The following PCDH10 variants were observed in gnomAD, a reference collection of about 807,000 sequenced individuals.
PCDH10 encodes the protein protocadherin-10.
Under a neutral mutation model 74.4 loss-of-function variants are expected in PCDH10, and 15 were observed. The observed-to-expected ratio is 0.20, with a 90% CI of 0.13 to 0.31. PCDH10 has a LOEUF of 0.31. PCDH10 is among the 10% of genes least tolerant of loss of function. PCDH10 has a pLI of 1.00. For missense variants in PCDH10, 1,260 were observed against 1,390.2 expected (o/e 0.91, Z 1.49); for synonymous variants, 619 against 589.8 (o/e 1.05, Z -0.72).
intron 4 of PCDH10, among the ~76,000 whole-genome samples, chr4:133,189,924 C>T (rs555890045): frequency 3.3e-5 from 5 of 152,104 alleles, no homozygotes; most frequent in African/African-American, 1.2e-4. Flanking sequence ...ATTTCCCATG[C>T]AAAACTAATT....
Position 133,151,867 on chromosome 4 carries a change from C to A in PCDH10, c.1727C>A (p.Ala576Glu), listed in dbSNP as rs757677020. ...DQNDNAPAIV[A>E]PLPGRNGTPA... The stretch of plus-strand genomic sequence containing the variant: ...AATGACAACGCCCCTGCCATCGTGG[C>A]GCCTCTACCAGGGCGCAACGGGACT... The change falls in exon 1 of 5, where the codon GCG (alanine) becomes GAG (glutamate). Residue 576 changes from alanine to glutamate, a missense_variant. This residue lies in a region of PCDH10 where 587 missense variants were observed against 616.9 expected (regional missense o/e 0.95). Transcript: ENST00000264360. 8.1e-6 allele frequency: 13 copies of A among 1,613,086 alleles called. No individual in the cohort carries two copies. In the South Asian group the frequency reaches 1.2e-4, roughly 15 times the overall value.
rs1472715468 is a variant in PCDH10, at chr4:133,191,958, T to TACACACACACACAC, written c.*1799_*1800insCACACACACACACA. The TACACACACACACAC allele has an allele frequency of 5.4e-5, 5 of 93,264 alleles. No homozygotes were observed. Among genetic ancestry groups the TACACACACACACAC allele is most frequent in the African/African-American group, 1.5e-4 (5 of 33,206 alleles). The allele number at this position is 93,264 out of a possible 1,614,324, so 5.8% of individuals were successfully genotyped here. A position where few individuals can be genotyped will look rare whatever the true frequency, so the allele number is the denominator to read the frequency against. ...TCCCTAGATTTAACTTTAAAATACA[T>TACACACACACACAC]ATATATACACACACACACACACACA... On this transcript the variant is annotated 3_prime_UTR_variant, in exon 5 of 5. Transcript: ENST00000264360.
At chr4:133,208,017 T>C (rs979800240) in intron 2 of PCDH10, 5 of 152,200 alleles carry the variant, frequency 3.3e-5, no homozygotes, top group African/African-American at 1.2e-4. Flanking sequence ...AAAATGCTAT[T>C]GTTTCCATTT....
At chr4:133,174,937 TAAAATTGAGCTTGAAAAAA>T (rs1174452675) in intron 4 of PCDH10, among the ~76,000 whole-genome samples, 3 of 151,410 alleles carry the variant, frequency 2.0e-5, no homozygotes, top group African/African-American at 4.8e-5. Flanking sequence ...CTCTCACAGT[TAAAATTGAGCTTGAAAAAA>T]AAAATTGAGC....
intron 2 of PCDH10, among the ~76,000 whole-genome samples, chr4:133,154,597 CCTA>C (rs1726823239): frequency 1.3e-5 from 2 of 152,278 alleles, no homozygotes; most frequent in South Asian, 4.2e-4. Flanking sequence ...AATTTACACT[CCTA>C]CACAGCTTCC....
chr4:133,178,654 G>A (rs1171982516), intron 4 of PCDH10, among the ~76,000 whole-genome samples: 2 of 151,724 alleles, frequency 1.3e-5, no homozygotes, highest in Non-Finnish European at 2.9e-5. Flanking sequence ...ACAATCAAAT[G>A]TATGTTACTT....
chr4:133,156,642 T>G (rs1233880834), intron 3 of PCDH10, among the ~76,000 whole-genome samples: 1 of 152,258 alleles, frequency 6.6e-6, no homozygotes, highest in Non-Finnish European at 1.5e-5. Flanking sequence ...TAAAACAAAA[T>G]GTTTAATGTT....
chr4:133,151,381 C>T lies in PCDH10; in HGVS notation c.1241C>T (p.Thr414Ile). ...RLKSSFKNYYTIVTEAPLDRE... is the reference protein window; with the variant it reads ...RLKSSFKNYYIIVTEAPLDRE... ...AAGTCTTCCTTTAAGAATTACTACACCATCGTTACCGAAGCCCCCCTGGAC... is the reference window on the plus strand; with the variant it reads ...AAGTCTTCCTTTAAGAATTACTACATCATCGTTACCGAAGCCCCCCTGGAC... Residue 414 changes from threonine (T) to isoleucine (I), a missense_variant, in exon 1 of 5, where the codon ACC becomes ATC. Coordinates refer to ENST00000264360, the MANE Select transcript of PCDH10 (RefSeq NM_032961.3). 1 of 1,614,162 alleles carries T rather than the reference C, an allele frequency of 6.2e-7. No homozygotes were observed. Among genetic ancestry groups the T allele is most frequent in the Non-Finnish European group, 8.5e-7 (1 of 1,180,028 alleles).
rs1320331640 is a variant in PCDH10 at position 133,154,382 on chromosome 4, T to C, written c.2690+17T>C. On this transcript the variant is annotated intron_variant, in intron 2 of 4. Coordinates refer to ENST00000264360, the MANE Select transcript of PCDH10 (RefSeq NM_032961.3). ...AGTTAACAGGTATGGACTCTTTTTT[T>C]CCCTAGCAGTAATGGACAATTTACA... 1.3e-6 allele frequency: 2 copies of C among 1,533,336 alleles called. No individual in the cohort carries two copies. The highest frequency in any genetic ancestry group is 1.8e-6 in the Non-Finnish European group (2 of 1,120,778). The allele number at this position is 1,533,336 out of a possible 1,614,324, so 95.0% of individuals were successfully genotyped here.
intron 4 of PCDH10, among the ~76,000 whole-genome samples, chr4:133,185,531 G>A (rs1727527155): frequency 6.6e-6 from 1 of 152,142 alleles, no homozygotes; most frequent in Non-Finnish European, 1.5e-5. Flanking sequence ...AGTGTGTGAT[G>A]TGCTTTTACA....
chr4:133,179,678 C>A (rs543978698), intron 4 of PCDH10, among the ~76,000 whole-genome samples: 100 of 152,220 alleles, frequency 6.6e-4, no homozygotes, highest in Non-Finnish European at 1.2e-3. Flanking sequence ...GATTCTTAAA[C>A]ATAATTGCTG....
At chr4:133,199,525 T>C (rs1212596714), downstream of PCDH10, among the ~76,000 whole-genome samples, 1 of 149,936 alleles carries the variant, frequency 6.7e-6, no homozygotes, top group Non-Finnish European at 1.5e-5. Context: ...CTCACTACCA[T>C]GTTGGTCAGT....
chr4:133,182,049 T>A (rs548621934), intron 4 of PCDH10, among the ~76,000 whole-genome samples: 1 of 152,236 alleles, frequency 6.6e-6, no homozygotes, highest in African/African-American at 2.4e-5. Flanking sequence ...TTTGCCTGTA[T>A]TTTTTTCTCA....
intron 4 of PCDH10, among the ~76,000 whole-genome samples, chr4:133,176,866 C>T (rs539446689): frequency 4.0e-5 from 6 of 151,898 alleles, no homozygotes; most frequent in East Asian, 1.9e-4. Flanking sequence ...CAGTGAAAAT[C>T]GTATGAAGAA....
chr4:133,154,188 G>A (rs1673731112), intron 1 of PCDH10, 119 bp from the exon 2 acceptor site: 1 of 677,442 alleles, frequency 1.5e-6, no homozygotes, highest in South Asian at 1.9e-5. Context: ...AGGAGAGCTT[G>A]GAAATTCATA....
rs890347697 is a variant in PCDH10 at position 133,191,303 on chromosome 4, T to C, written c.*1143T>C. The C allele has an allele frequency of 6.6e-6, 1 of 152,208 alleles. No homozygotes were observed. Among genetic ancestry groups the C allele is most frequent in the Non-Finnish European group, 1.5e-5 (1 of 67,808 alleles). 9.4% of individuals were successfully genotyped at this position (152,208 alleles called of 1,614,324 possible). On this transcript the variant is annotated 3_prime_UTR_variant, in exon 5 of 5. Transcript: ENST00000264360. ...GTTTTGTGACTTAATTACACATGAA[T>C]ATAAAATCTATAATTCTATATGAAT... is the stretch of plus-strand genomic sequence containing the variant.
intron 4 of PCDH10, among the ~76,000 whole-genome samples, chr4:133,168,713 T>C (rs2125865578): frequency 6.6e-6 from 1 of 151,762 alleles, no homozygotes; most frequent in African/African-American, 2.4e-5. Context: ...TATCCAGCTA[T>C]GCATATTATA....
chr4:133,175,864 T>G (rs1453805667), intron 4 of PCDH10, among the ~76,000 whole-genome samples: 1 of 152,138 alleles, frequency 6.6e-6, no homozygotes, highest in African/African-American at 2.4e-5. Flanking sequence ...CCAAACCTTA[T>G]GCAAATCAAC....
rs1049569948 is a variant in PCDH10, at chr4:133,194,512, GA to G, written c.*4354del. On this transcript the variant is annotated 3_prime_UTR_variant, in exon 5 of 5. Transcript: ENST00000264360. ...TCTTAACTACAGTGTTTGTTACTGT[GA>G]ATGCTATAATAATACATAAGTAAAA... is the stretch of plus-strand genomic sequence containing the variant. 2.0e-5 allele frequency: 3 copies of G among 151,786 alleles called. No homozygotes were observed. Among genetic ancestry groups the G allele is most frequent in the African/African-American group, 7.2e-5 (3 of 41,394 alleles). The allele number at this position is 151,786 out of a possible 1,614,324, so 9.4% of individuals were successfully genotyped here.
Sources: gnomAD v4.1 joint callset for allele counts (sites outside exome capture counted in the v4.1 genomes callset) on GRCh38, gnomAD v4.1.1 for gene constraint, gnomAD v4.1.1 regional missense constraint, MANE v1.5 for transcripts, NCBI Gene and HGNC (gene_info 2026-07-23, HGNC 2026-07-21) for gene names.